Variants in SLC6A19 observed in about 807,000 individuals in gnomAD.
The protein encoded by SLC6A19 is sodium-dependent neutral amino acid transporter B(0)AT1.
A neutral mutation model predicts 68.3 loss-of-function variants in SLC6A19; 67 were observed. That is an observed-to-expected ratio of 0.98 (90% CI 0.81 to 1.20). The LOEUF (loss-of-function observed/expected upper bound fraction) is 1.20, where lower values mean the gene tolerates loss of function less well. Among genes scored for constraint, SLC6A19 ranks in the 50% most tolerant of loss-of-function variants. SLC6A19 has a pLI of 0.00. For synonymous variants in SLC6A19, 392 were observed against 374.9 expected, an observed-to-expected ratio of 1.05 and a Z score of -0.53; for missense variants, 813 against 851.6, an observed-to-expected ratio of 0.95 and a Z score of 0.56.
Position 1,212,736 on chromosome 5 carries a change from G to A in SLC6A19, c.663+252G>A, listed in dbSNP as rs1746079809. 6.6e-6 allele frequency among the ~76,000 whole-genome samples: 1 copy of A among 152,128 alleles called. No individual in the cohort carries two copies. Among genetic ancestry groups the A allele is most frequent in the Non-Finnish European group, 1.5e-5 (1 of 68,012 alleles). On this transcript the variant is annotated intron_variant, in intron 4 of 11. Coordinates refer to ENST00000304460, the MANE Select transcript of SLC6A19 (RefSeq NM_001003841.3). This position sits in a 1 kb window ranked among gnomAD's most constrained non-coding sequence, Gnocchi z 5.1. ...TTGACGTTGGCCCACACGACACTTAGCGTTATGTAGGAGTAATACAAACTA... is the reference window on the plus strand; with the variant it reads ...TTGACGTTGGCCCACACGACACTTAACGTTATGTAGGAGTAATACAAACTA...
In SLC6A19 at chr5:1,212,289, G is replaced by T; in HGVS notation, c.482-14G>T. ...GACCCGTACCCTGAGGTGTGTGAAT[G>T]GCCCTCTCCCCAGGGTATGTGGACG... On this transcript the variant is annotated splice_polypyrimidine_tract_variant and intron_variant, in intron 3 of 11. Coordinates refer to ENST00000304460, the MANE Select transcript of SLC6A19 (RefSeq NM_001003841.3). This position sits in a 1 kb window ranked among gnomAD's most constrained non-coding sequence, Gnocchi z 5.1. The T allele has an allele frequency of 6.2e-7, 1 of 1,612,882 alleles. No individual in the cohort carries two copies. The highest frequency in any genetic ancestry group is 8.5e-7 in the Non-Finnish European group (1 of 1,179,882).
At chr5:1,210,808 C>CGG (rs536568445) in intron 3 of SLC6A19, among the ~76,000 whole-genome samples, 38 of 152,126 alleles carry the variant, frequency 2.5e-4, no homozygotes, top group Admixed American at 1.1e-3. Context: ...CGTGGGAGCC[C>CGG]GGGGGGGCTG....
chr5:1,222,332 A>G lies in SLC6A19; in HGVS notation c.*428A>G, dbSNP rs947958367. 1.9e-4 allele frequency: 98 copies of G among 508,138 alleles called. 2 individuals are homozygous for G. The East Asian group carries it at 2.6e-3, about 14-fold the overall frequency. 31.5% of individuals were successfully genotyped at this position (508,138 alleles called of 1,614,324 possible). A position where few individuals can be genotyped will look rare whatever the true frequency, so the allele number is the denominator to read the frequency against. ...TTGTGTGTGGTGTGCATATGTGTGAACACACACGTGTATACATGCATGCAC... is the reference window on the plus strand; with the variant it reads ...TTGTGTGTGGTGTGCATATGTGTGAGCACACACGTGTATACATGCATGCAC... On this transcript the variant is annotated 3_prime_UTR_variant, in exon 12 of 12. Coordinates refer to ENST00000304460, the MANE Select transcript of SLC6A19 (RefSeq NM_001003841.3).
rs1222200319 is a variant in SLC6A19 at position 1,222,187 on chromosome 5, TTG to T, written c.*292_*293del. The T allele has an allele frequency of 3.9e-5, 23 of 594,236 alleles. No homozygotes were observed. Among genetic ancestry groups the T allele is most frequent in the Middle Eastern group, 4.5e-4 (1 of 2,236 alleles). The allele number at this position is 594,236 out of a possible 1,614,324, so 36.8% of individuals were successfully genotyped here. ...GTGCCATGTGTGCAGATGTGTCATG[TTG>T]TGTGTGTGCATGTACATGTATGGAC... On this transcript the variant is annotated 3_prime_UTR_variant, in exon 12 of 12. Transcript: ENST00000304460.
Position 1,222,087 on chromosome 5 carries a change from T to C in SLC6A19, c.*183T>C, listed in dbSNP as rs918236554. 15 of 685,626 alleles carry C rather than the reference T, an allele frequency of 2.2e-5. No homozygotes were observed. In the African/African-American group the frequency reaches 2.5e-4, roughly 11 times the overall value. The allele number at this position is 685,626 out of a possible 1,614,324, so 42.5% of individuals were successfully genotyped here. A position where few individuals can be genotyped will look rare whatever the true frequency, so the allele number is the denominator to read the frequency against. The stretch of plus-strand genomic sequence containing the variant: ...GATATGTATCGTGTGTGCATGTACA[T>C]GCATGGGCACTGTGTGAGTGTGCAC... On this transcript the variant is annotated 3_prime_UTR_variant, in exon 12 of 12. Transcript: ENST00000304460.
intron 9 of SLC6A19, 139 bp from the exon 10 acceptor site, chr5:1,219,366 G>A (rs1045648850): frequency 4.2e-5 from 54 of 1,287,682 alleles, no homozygotes; most frequent in Non-Finnish European, 5.1e-5. Context: ...CTCTGTCCCC[G>A]GCAGTGTGTG....
At position 1,216,567 on chromosome 5, in the gene SLC6A19, C is replaced by T. The variant is rs201851669; in HGVS notation, c.897C>T (p.Cys299=). The part of the protein sequence containing the change: ...FSSYNSVHNN[C]EKDSVIVSII... ...CTGGTCTCGTCTGCAGCAACAACTG[C>T]GAGAAGGACTCGGTGATTGTGTCCA... The change falls in exon 7 of 12, where the codon TGC becomes TGT. Residue 299 remains cysteine (C), a synonymous_variant. Transcript: ENST00000304460. 73 of 1,614,120 alleles carry T rather than the reference C, an allele frequency of 4.5e-5. 1 individual carries two copies. The Middle Eastern group carries it at 4.9e-4, about 11-fold the overall frequency.
At position 1,223,615 on chromosome 5, in the gene SLC6A19, G is replaced by A. The variant is rs13183977; in HGVS notation, c.*1711G>A. 0.37 allele frequency: 40,884 copies of A among 111,948 alleles called. 11,089 individuals are homozygous for A. Among genetic ancestry groups the A allele is most frequent in the African/African-American group, 0.59 (15,735 of 26,804 alleles). The allele number at this position is 111,948 out of a possible 1,614,324, so 6.9% of individuals were successfully genotyped here. ...GAATCTGGATGCTTACATTAAACTGGTGTTCTGAGAGTTCCTACGGACAGG... is the reference window on the plus strand; with the variant it reads ...GAATCTGGATGCTTACATTAAACTGATGTTCTGAGAGTTCCTACGGACAGG... On this transcript the variant is annotated 3_prime_UTR_variant, in exon 12 of 12. Coordinates refer to ENST00000304460, the MANE Select transcript of SLC6A19 (RefSeq NM_001003841.3).
In SLC6A19 at chr5:1,214,275, C is replaced by T. The variant is rs947856842; in HGVS notation, c.887+210C>T. 6.6e-6 allele frequency among the ~76,000 whole-genome samples: 1 copy of T among 152,110 alleles called. No homozygotes were observed. Among genetic ancestry groups the T allele is most frequent in the Non-Finnish European group, 1.5e-5 (1 of 68,000 alleles). ...GGGCAGGTCTCCCTGTGAGGAGGGCCAGGAGCCGGGCGCCTGCAGCTTTCC... is the reference window on the plus strand; with the variant it reads ...GGGCAGGTCTCCCTGTGAGGAGGGCTAGGAGCCGGGCGCCTGCAGCTTTCC... On this transcript the variant is annotated intron_variant, in intron 6 of 11. Coordinates refer to ENST00000304460, the MANE Select transcript of SLC6A19 (RefSeq NM_001003841.3). The surrounding 1 kb of genome is among the most constrained non-coding windows in gnomAD (Gnocchi z 7.4).
At position 1,201,919 on chromosome 5, in the gene SLC6A19, C is replaced by A. The variant is rs1745716805; in HGVS notation, c.202+67C>A. ...GGAAGCACAGACACACGCAGAGGCC[C>A]TGGGCAGACATCCTCCCCGGACCCT... On this transcript the variant is annotated intron_variant, in intron 1 of 11. Transcript: ENST00000304460. 5 of 1,538,912 alleles carry A rather than the reference C, an allele frequency of 3.2e-6. No homozygotes were observed. The Admixed American group carries it at 7.3e-5, about 23-fold the overall frequency.
In SLC6A19 at chr5:1,214,192, C is replaced by T. The variant is rs141038539; in HGVS notation, c.887+127C>T. On this transcript the variant is annotated intron_variant, in intron 6 of 11. Transcript: ENST00000304460. The surrounding 1 kb of genome is among the most constrained non-coding windows in gnomAD (Gnocchi z 7.4). ...CGGGGCCTTGCTGCCCCGATGGGCC[C>T]GTTCCCTCCTGCTCGGGGTCCATGT... is the stretch of plus-strand genomic sequence containing the variant. 5,056 of 1,515,500 alleles carry T rather than the reference C, an allele frequency of 3.3e-3. 18 individuals are homozygous for T. Among genetic ancestry groups the T allele is most frequent in the Middle Eastern group, 8.4e-3 (49 of 5,832 alleles). 93.9% of individuals were successfully genotyped at this position (1,515,500 alleles called of 1,614,324 possible). A position where few individuals can be genotyped will look rare whatever the true frequency, so the allele number is the denominator to read the frequency against.
At position 1,213,472 on chromosome 5, in the gene SLC6A19, A is replaced by C. The variant is rs370442773; in HGVS notation, c.673A>C (p.Ile225Leu). ...GIETTGKAVY[I>L]TSTLPYVVLT... is the part of the protein sequence containing the mutation. ...GTCCCGCCCTCCGCAGGCCGTGTAC[A>C]TCACCTCCACGCTGCCCTATGTCGT... Residue 225 changes from isoleucine to leucine, a missense_variant, in exon 5 of 12, where the codon ATC (isoleucine) becomes CTC (leucine). Physicochemically the swap from Ile to Leu is conservative, Grantham distance 5 (BLOSUM62 2). Transcript: ENST00000304460. The C allele has an allele frequency of 3.2e-6, 5 of 1,555,360 alleles. No individual in the cohort carries two copies. The highest frequency in any genetic ancestry group is 1.7e-4 in the Middle Eastern group (1 of 5,854).
chr5:1,202,299 A>G (rs1745730121), intron 1 of SLC6A19, among the ~76,000 whole-genome samples: 1 of 152,134 alleles, frequency 6.6e-6, no homozygotes, highest in Admixed American at 6.5e-5. Flanking sequence ...AGGTGACCCT[A>G]GAGGAGCAGA....
At chr5:1,216,980 G>A (rs1189517697) in intron 8 of SLC6A19, 35 bp downstream of exon 8, 2 of 1,610,512 alleles carry the variant, frequency 1.2e-6, no homozygotes, top group African/African-American at 1.3e-5. Flanking sequence ...CAGGGAGAGG[G>A]CACCCCTTGC....
chr5:1,201,845 C>T lies in SLC6A19; in HGVS notation c.195C>T (p.His65=), dbSNP rs143165913. 1.4e-4 allele frequency: 218 copies of T among 1,610,534 alleles called. No homozygotes were observed. The highest frequency in any genetic ancestry group is 2.2e-4 in the Admixed American group (13 of 59,994). ...GCTTCCCCTACCTGTGTCAGAGCCA[C>T]GGAGGAGGTAGGCTGGCCGGGCGGG... ...VWRFPYLCQS[H]GGGAFMIPFL... The change falls in exon 1 of 12, where the codon CAC becomes CAT. Residue 65 remains histidine (H), a synonymous_variant. Coordinates refer to ENST00000304460, the MANE Select transcript of SLC6A19 (RefSeq NM_001003841.3).
At position 1,222,199 on chromosome 5, in the gene SLC6A19, A is replaced by G. The variant is rs998159681; in HGVS notation, c.*295A>G. On this transcript the variant is annotated 3_prime_UTR_variant, in exon 12 of 12. Coordinates refer to ENST00000304460, the MANE Select transcript of SLC6A19 (RefSeq NM_001003841.3). ...CAGATGTGTCATGTTGTGTGTGTGC[A>G]TGTACATGTATGGACATTGTGTGAG... The G allele has an allele frequency of 1.7e-5, 10 of 591,452 alleles. No individual in the cohort carries two copies. Among genetic ancestry groups the G allele is most frequent in the African/African-American group, 7.4e-5 (4 of 53,718 alleles). The allele number at this position is 591,452 out of a possible 1,614,324, so 36.6% of individuals were successfully genotyped here.
At chr5:1,201,916 G>A (rs1271226438) in intron 1 of SLC6A19, 64 bp downstream of exon 1, 2 of 1,543,388 alleles carry the variant, frequency 1.3e-6, no homozygotes, top group East Asian at 2.3e-5. Context: ...ACACGCAGAG[G>A]CCCTGGGCAG....
intron 1 of SLC6A19, among the ~76,000 whole-genome samples, chr5:1,202,780 A>G (rs1745752375): frequency 6.6e-6 from 1 of 152,324 alleles, no homozygotes; most frequent in South Asian, 2.1e-4. Flanking sequence ...GCTGTCTCTC[A>G]CGCGGGCTTT....
In SLC6A19 at chr5:1,209,581, C is replaced by T. The variant is rs1239500640; in HGVS notation, c.343+695C>T. 6.6e-6 allele frequency among the ~76,000 whole-genome samples: 1 copy of T among 152,006 alleles called. No individual in the cohort carries two copies. The highest frequency in any genetic ancestry group is 2.4e-5 in the African/African-American group (1 of 41,396). ...GCTGAGTATCCAAGACCTCCCTCCT[C>T]CCTCTCTCTTCCTCTCTCTGTCTCT... On this transcript the variant is annotated intron_variant, in intron 2 of 11. Coordinates refer to ENST00000304460, the MANE Select transcript of SLC6A19 (RefSeq NM_001003841.3). This position sits in a 1 kb window ranked among gnomAD's most constrained non-coding sequence, Gnocchi z 5.5.
Sources: gnomAD v4.1 joint callset for allele counts (sites outside exome capture counted in the v4.1 genomes callset) on GRCh38, gnomAD v4.1.1 for gene constraint, Gnocchi (gnomAD v3.1) non-coding constraint, MANE v1.5 for transcripts, NCBI Gene and HGNC (gene_info 2026-07-23, HGNC 2026-07-21) for gene names.